The following SLIT3 variants were observed in gnomAD, a reference collection of about 807,000 sequenced individuals.
SLIT3 encodes the protein slit guidance ligand 3.
Under a neutral mutation model 184.0 loss-of-function variants are expected in SLIT3, and 68 were observed. That is an observed-to-expected ratio of 0.37 (90% confidence interval 0.30 to 0.45). SLIT3 has a LOEUF of 0.45. Among genes scored for constraint, SLIT3 ranks in the 20% least tolerant of loss-of-function variants. The probability of loss-of-function intolerance (pLI) is 1.00; values close to 1 mark genes in which losing one functional copy is unlikely to be tolerated. For missense variants in SLIT3, 1,707 were observed against 2,026.0 expected (o/e 0.84, Z 3.02); for synonymous variants, 831 against 828.6 (o/e 1.00, Z -0.05).
At chr5:168,862,794 C>G (rs772234480) in intron 5 of SLIT3, among the ~76,000 whole-genome samples, 1 of 152,116 alleles carries the variant, frequency 6.6e-6, no homozygotes, top group Non-Finnish European at 1.5e-5. Flanking sequence ...CCTGCTTCAG[C>G]TTCCCGAGTA....
intron 14 of SLIT3, 39 bp from the exon 15 acceptor site, chr5:168,762,728 G>A (rs367611206): frequency 6.8e-5 from 109 of 1,603,542 alleles, no homozygotes; most frequent in Non-Finnish European, 8.7e-5. Flanking sequence ...CGTCACCCGA[G>A]TTCCACGCAC....
chr5:168,964,134 C>T (rs938458583), intron 4 of SLIT3, among the ~76,000 whole-genome samples: 16 of 152,210 alleles, frequency 1.1e-4, no homozygotes, highest in Non-Finnish European at 2.1e-4. Context: ...CAAACACTTC[C>T]TGCTGATAAA....
At position 168,772,928 on chromosome 5, in the gene SLIT3, G is replaced by T. The variant is rs971554774; in HGVS notation, c.1312C>A (p.Pro438Thr). Reference protein sequence around the residue: ...SIQTLHLAQNPFVCDCHLKWL... With the variant: ...SIQTLHLAQNTFVCDCHLKWL... ...TTCAAGTGGCAGTCGCACACAAATG[G>T]GTTTTGGGCTAAGTGGCTGCGAGAG... The change falls in exon 14 of 36, where the codon CCA becomes ACA. Residue 438 changes from proline to threonine, a missense_variant. Physicochemically the swap from Pro to Thr is conservative, Grantham distance 38. This residue lies in a region of SLIT3 where 1,307 missense variants were observed against 1,511.6 expected (regional missense o/e 0.86). Coordinates refer to ENST00000519560, the MANE Select transcript of SLIT3 (RefSeq NM_003062.4). 8 of 1,607,698 alleles carry T rather than the reference G, an allele frequency of 5.0e-6. No individual in the cohort carries two copies. The African/African-American group carries it at 5.4e-5, about 11-fold the overall frequency.
intron 4 of SLIT3, among the ~76,000 whole-genome samples, chr5:168,991,872 T>A (rs995873555): frequency 2.1e-4 from 32 of 152,046 alleles, no homozygotes; most frequent in Non-Finnish European, 3.5e-4. Context: ...CATCAGTCTC[T>A]GACCCAGGAG....
chr5:169,020,354 C>A (rs759566440), intron 4 of SLIT3, among the ~76,000 whole-genome samples: 12 of 152,076 alleles, frequency 7.9e-5, no homozygotes, highest in African/African-American at 2.9e-4. Flanking sequence ...TGGCTTGGTC[C>A]GTGAAACTTC....
chr5:168,900,147 C>G (rs1199062849), intron 4 of SLIT3, among the ~76,000 whole-genome samples: 1 of 152,080 alleles, frequency 6.6e-6, no homozygotes. Context: ...CAGATGCTGG[C>G]AAGGATGCAG....
chr5:168,830,974 C>T (rs1032988327), intron 6 of SLIT3, among the ~76,000 whole-genome samples: 4 of 152,154 alleles, frequency 2.6e-5, no homozygotes, highest in Non-Finnish European at 5.9e-5. Flanking sequence ...TGAGGCTGCT[C>T]CAAGGCAACA....
intron 17 of SLIT3, among the ~76,000 whole-genome samples, chr5:168,753,499 C>T (rs372649719): frequency 1.3e-5 from 2 of 152,178 alleles, no homozygotes; most frequent in African/African-American, 2.4e-5. Context: ...GCATGTTGCA[C>T]GTGTCTGCAT....
intron 4 of SLIT3, among the ~76,000 whole-genome samples, chr5:169,010,776 G>A (rs949947783): frequency 6.6e-6 from 1 of 152,150 alleles, no homozygotes; most frequent in African/African-American, 2.4e-5. Context: ...GGCGGCATAT[G>A]CCTGCAGTCC....
At chr5:168,844,727 G>C (rs550049712) in intron 5 of SLIT3, 72 bp from the exon 6 acceptor site, 2 of 1,432,734 alleles carry the variant, frequency 1.4e-6, no homozygotes, top group Non-Finnish European at 2.0e-6. Context: ...CAGGCCACCC[G>C]AGCGCCTGTC....
At chr5:169,206,285 G>A (rs186304404) in intron 3 of SLIT3, among the ~76,000 whole-genome samples, 111 of 152,264 alleles carry the variant, frequency 7.3e-4, no homozygotes, top group Non-Finnish European at 1.3e-3. Context: ...CAGCTATTAG[G>A]ATTTTTTCCC....
chr5:169,079,545 A>G (rs1052414651), intron 4 of SLIT3, among the ~76,000 whole-genome samples: 43 of 79,682 alleles, frequency 5.4e-4, no homozygotes, highest in Admixed American at 1.4e-3. Context: ...GAGGAGGAAG[A>G]AGGAGGAAGA....
intron 4 of SLIT3, among the ~76,000 whole-genome samples, chr5:169,070,344 T>A (rs564265429): frequency 2.0e-5 from 3 of 152,264 alleles, no homozygotes; most frequent in Admixed American, 6.5e-5. Context: ...CCAGTGTAAA[T>A]GTCTAACTCC....
intron 4 of SLIT3, among the ~76,000 whole-genome samples, chr5:168,994,352 T>G (rs377369301): frequency 6.6e-6 from 1 of 152,138 alleles, no homozygotes; most frequent in Admixed American, 6.6e-5. Flanking sequence ...AAACCAGCCC[T>G]AAGGTTGACA....
At position 168,684,052 on chromosome 5, in the gene SLIT3, G is replaced by A. The variant is rs374871584; in HGVS notation, c.3600C>T (p.Asp1200=). Residue 1200 remains aspartate, a synonymous_variant, in exon 32 of 36, where the codon GAC becomes GAT. Transcript: ENST00000519560. The part of the protein sequence containing the change: ...KDNGILLYKG[D]NDPLALELYQ... Reference sequence around the variant, plus strand: ...ACAGCTCCAGTGCCAGGGGGTCATTGTCTCCTTTGTAGAGAAGGATGCCGT... The same window carrying A: ...ACAGCTCCAGTGCCAGGGGGTCATTATCTCCTTTGTAGAGAAGGATGCCGT... 8.7e-6 allele frequency: 14 copies of A among 1,607,840 alleles called. No individual in the cohort carries two copies. Among genetic ancestry groups the A allele is most frequent in the East Asian group, 4.5e-5 (2 of 44,270 alleles).
At chr5:168,776,756 C>T (rs1755763090) in intron 12 of SLIT3, among the ~76,000 whole-genome samples, 1 of 152,098 alleles carries the variant, frequency 6.6e-6, no homozygotes, top group Admixed American at 6.6e-5. Context: ...AGCAGAGAAA[C>T]AGGGAGAAAA....
intron 4 of SLIT3, among the ~76,000 whole-genome samples, chr5:169,006,936 C>T (rs1755956654): frequency 6.6e-6 from 1 of 152,060 alleles, no homozygotes; most frequent in African/African-American, 2.4e-5. Context: ...CCCTGCCCAC[C>T]CCACCCCCCA....
chr5:169,076,217 A>C (rs879560667), intron 4 of SLIT3, among the ~76,000 whole-genome samples: 2 of 152,196 alleles, frequency 1.3e-5, no homozygotes, highest in Admixed American at 1.3e-4. Context: ...ACTTTTCCCC[A>C]GTAGTTCATA....
intron 4 of SLIT3, among the ~76,000 whole-genome samples, chr5:169,055,955 C>T (rs1229484312): frequency 6.6e-6 from 1 of 152,088 alleles, no homozygotes; most frequent in African/African-American, 2.4e-5. Flanking sequence ...CAATGGTAAA[C>T]CAGAGAAGAC....
Sources: allele counts gnomAD v4.1 joint callset (sites outside exome capture counted in the v4.1 genomes callset), GRCh38; gene constraint gnomAD v4.1.1; regional missense constraint gnomAD v4.1.1; transcripts MANE v1.5; gene names NCBI Gene and HGNC (gene_info 2026-07-23, HGNC 2026-07-21).